Variants in ATP1B3 observed in about 807,000 individuals in gnomAD.
ATP1B3 encodes sodium/potassium-transporting ATPase subunit beta-3.
ATP1B3 carries 10 observed loss-of-function variants against 30.2 expected under a neutral mutation model. That is an observed-to-expected ratio of 0.33 (90% CI 0.20 to 0.56). The LOEUF (loss-of-function observed/expected upper bound fraction) is 0.56. Ranked by LOEUF, ATP1B3 falls within the 20% of genes least tolerant of loss-of-function variation. The pLI, the probability that ATP1B3 is intolerant of heterozygous loss-of-function variation, is 0.90. For synonymous variants in ATP1B3, 113 were observed against 117.0 expected (o/e 0.97, Z 0.22); for missense variants, 238 against 336.7 (o/e 0.71, Z 2.29).
chr3:141,889,468 G>T (rs1048162358), intron 1 of ATP1B3, among the ~76,000 whole-genome samples: 1 of 151,880 alleles, frequency 6.6e-6, no homozygotes. Context: ...AATAGCTCAT[G>T]CCTGTGATCC....
intron 4 of ATP1B3, among the ~76,000 whole-genome samples, chr3:141,914,607 A>G (rs745395939): frequency 4.6e-5 from 7 of 152,352 alleles, no homozygotes; most frequent in Non-Finnish European, 8.8e-5. Context: ...GAGGCCTGCA[A>G]GGTCTCCCTT....
At chr3:141,901,056 T>C (rs1193396941) in intron 1 of ATP1B3, among the ~76,000 whole-genome samples, 2 of 152,234 alleles carry the variant, frequency 1.3e-5, no homozygotes, top group African/African-American at 4.8e-5. Flanking sequence ...GTGCTGGGAT[T>C]ACAGGCGTGA....
intron 1 of ATP1B3, among the ~76,000 whole-genome samples, chr3:141,889,092 G>A (rs1933886903): frequency 6.6e-6 from 1 of 151,976 alleles, no homozygotes; most frequent in Non-Finnish European, 1.5e-5. Flanking sequence ...AGCCAAGGGG[G>A]AAGTGCCACA....
At chr3:141,897,785 C>A (rs950656267) in intron 1 of ATP1B3, among the ~76,000 whole-genome samples, 6 of 152,196 alleles carry the variant, frequency 3.9e-5, no homozygotes, top group African/African-American at 1.4e-4. Context: ...TCTTGGCTCA[C>A]TGCAACCTCT....
chr3:141,892,522 G>A (rs1933973810), intron 1 of ATP1B3, among the ~76,000 whole-genome samples: 1 of 151,968 alleles, frequency 6.6e-6, no homozygotes, highest in Admixed American at 6.6e-5. Context: ...GCTGGGCGCA[G>A]TGACACACGC....
At chr3:141,907,473 C>T (rs757971435) in intron 3 of ATP1B3, among the ~76,000 whole-genome samples, 199 bp downstream of exon 3, 12 of 152,066 alleles carry the variant, frequency 7.9e-5, no homozygotes, top group Non-Finnish European at 1.5e-4. Flanking sequence ...GAAACCCCAT[C>T]TCTACCAAAA....
chr3:141,895,482 G>A (rs1486749432), intron 1 of ATP1B3, among the ~76,000 whole-genome samples: 4 of 152,004 alleles, frequency 2.6e-5, no homozygotes, highest in Admixed American at 1.3e-4. Flanking sequence ...GAGCCACTGC[G>A]TCCCGCCTCT....
intron 1 of ATP1B3, among the ~76,000 whole-genome samples, chr3:141,882,457 G>C (rs973456222): frequency 6.6e-6 from 1 of 152,076 alleles, no homozygotes; most frequent in African/African-American, 2.4e-5. Context: ...TGATGTGCTG[G>C]AGGTGTCCTT....
At chr3:141,912,112 G>A (rs1456686389) in intron 3 of ATP1B3, among the ~76,000 whole-genome samples, 1 of 152,058 alleles carries the variant, frequency 6.6e-6, no homozygotes, top group Admixed American at 6.6e-5. Flanking sequence ...CAAAATACCT[G>A]AATCATTCTT....
At chr3:141,911,046 A>G (rs1011018572) in intron 3 of ATP1B3, among the ~76,000 whole-genome samples, 3 of 150,194 alleles carry the variant, frequency 2.0e-5, no homozygotes, top group Non-Finnish European at 4.4e-5. Flanking sequence ...TAAAATTTCT[A>G]TCTGGATTTC....
intron 6 of ATP1B3, among the ~76,000 whole-genome samples, chr3:141,923,277 C>CAA (rs35588152): frequency 1.4e-5 from 2 of 144,738 alleles, no homozygotes; most frequent in Non-Finnish European, 3.0e-5. Flanking sequence ...GACTCTATCT[C>CAA]AAAAAAAAAA....
chr3:141,885,995 A>G (rs1448809314), intron 1 of ATP1B3, among the ~76,000 whole-genome samples: 1 of 151,948 alleles, frequency 6.6e-6, no homozygotes, highest in Non-Finnish European at 1.5e-5. Flanking sequence ...GATCCAAAGA[A>G]TCAGTGAGAA....
chr3:141,885,132 C>T (rs1473038294), intron 1 of ATP1B3, among the ~76,000 whole-genome samples: 2 of 152,184 alleles, frequency 1.3e-5, no homozygotes, highest in African/African-American at 4.8e-5. Context: ...GCTTCACTAT[C>T]CTGTCGTCTA....
intron 6 of ATP1B3, among the ~76,000 whole-genome samples, chr3:141,924,520 G>A (rs1934620079): frequency 6.6e-6 from 1 of 151,960 alleles, no homozygotes; most frequent in Non-Finnish European, 1.5e-5. Context: ...ATGGTGGTGG[G>A]CACCCGTGAC....
rs6773890 is a variant in ATP1B3, at chr3:141,894,326, A to G, written c.110-9294A>G. Among the ~76,000 whole-genome samples, 1,093 of 148,960 alleles carry G rather than the reference A, an allele frequency of 7.3e-3. 14 individuals are homozygous for G. The highest frequency in any genetic ancestry group is 0.026 in the African/African-American group (1,039 of 40,740). On this transcript the variant is annotated intron_variant, in intron 1 of 6. Transcript: ENST00000286371. The stretch of plus-strand genomic sequence containing the variant: ...CCTTAGCTTACTGTAACTTTTTACA[A>G]TTTTTTTTTTTAATTGAGATGGGGT...
chr3:141,879,637 G>T (rs895592219), intron 1 of ATP1B3, among the ~76,000 whole-genome samples: 3 of 151,618 alleles, frequency 2.0e-5, no homozygotes, highest in African/African-American at 4.8e-5. Context: ...AAATTAGCCG[G>T]GTGTGGTGGC....
chr3:141,886,277 T>C (rs1933831878), intron 1 of ATP1B3, among the ~76,000 whole-genome samples: 1 of 152,152 alleles, frequency 6.6e-6, no homozygotes, highest in African/African-American at 2.4e-5. Context: ...AGACCCTTAG[T>C]CTGGAACCCC....
chr3:141,890,298 T>C (rs1386515087), intron 1 of ATP1B3, among the ~76,000 whole-genome samples: 2 of 91,770 alleles, frequency 2.2e-5, no homozygotes, highest in Admixed American at 1.2e-4. Context: ...TTTTTTTTTT[T>C]TTTTTTTTTT....
At chr3:141,919,655 A>G (rs763685425) in intron 5 of ATP1B3, among the ~76,000 whole-genome samples, 5 of 152,050 alleles carry the variant, frequency 3.3e-5, no homozygotes, top group Admixed American at 1.3e-4. Context: ...ATATGATGCT[A>G]TTGCCGGACG....
Sources: allele counts gnomAD v4.1 joint callset (sites outside exome capture counted in the v4.1 genomes callset), GRCh38; gene constraint gnomAD v4.1.1; transcripts MANE v1.5; gene names NCBI Gene and HGNC (gene_info 2026-07-23, HGNC 2026-07-21).